Variants in SMG6 observed in about 807,000 individuals in gnomAD.
SMG6 encodes telomerase-binding protein EST1A.
In SMG6, 66 loss-of-function variants were observed where a neutral mutation model predicts 142.2. That is an observed-to-expected ratio of 0.46 (90% CI 0.38 to 0.57). The LOEUF is 0.57. SMG6 is among the 20% of genes least tolerant of loss of function. The pLI, the probability that SMG6 is intolerant of heterozygous loss-of-function variation, is 0.00. For missense variants in SMG6, 1,793 were observed against 1,832.0 expected (o/e 0.98, Z 0.39); for synonymous variants, 779 against 702.4 (o/e 1.11, Z -1.72).
At chr17:2,266,019 T>C (rs1296732275) in intron 8 of SMG6, 2 of 985,340 alleles carry the variant, frequency 2.0e-6, no homozygotes, top group Non-Finnish European at 2.4e-6. Flanking sequence ...TTCTTCTGAA[T>C]GTTCATTTTC....
rs758689917 is a variant in SMG6, at chr17:2,299,954, T to C, written c.799A>G (p.Ser267Gly). 10 of 1,614,006 alleles carry C rather than the reference T, an allele frequency of 6.2e-6. No homozygotes were observed. The South Asian group carries it at 8.8e-5, about 14-fold the overall frequency. Residue 267 changes from serine to glycine, a missense_variant, in exon 2 of 19, where the codon AGC becomes GGC. By Grantham distance (56) the Ser-to-Gly change is moderately conservative. Around this residue, in one of 3 missense-constraint regions of SMG6, gnomAD observed 1,597 missense variants for 1,584.6 expected, o/e 1.01. Transcript: ENST00000263073. The surrounding 1 kb of genome is among the most constrained non-coding windows in gnomAD (Gnocchi z 4.3). The part of the protein sequence containing the change: ...RSTSSAGSNN[S>G]AEGAGLTDNG... ...TCCGTCAGGCCAGCTCCCTCAGCGCTGTTGTTGCTGCCAGCTGAGCTGGTG... is the reference window on the plus strand; with the variant it reads ...TCCGTCAGGCCAGCTCCCTCAGCGCCGTTGTTGCTGCCAGCTGAGCTGGTG...
chr17:2,128,202 T>TACCC (rs949379885), intron 13 of SMG6, among the ~76,000 whole-genome samples: 4 of 152,204 alleles, frequency 2.6e-5, no homozygotes, highest in Non-Finnish European at 4.4e-5. Context: ...TGGGGCGGCA[T>TACCC]ACCCAAGGCA....
intron 10 of SMG6, among the ~76,000 whole-genome samples, chr17:2,189,653 C>A (rs1185245249): frequency 6.6e-6 from 1 of 152,158 alleles, no homozygotes; most frequent in African/African-American, 2.4e-5. Flanking sequence ...ATCAGCTCAC[C>A]AGTCTTGTCA....
At chr17:2,114,005 C>T (rs1328590204) in intron 13 of SMG6, among the ~76,000 whole-genome samples, 6 of 152,152 alleles carry the variant, frequency 3.9e-5, no homozygotes, top group South Asian at 2.1e-4. Flanking sequence ...CGGTGGCTCA[C>T]GCCTGTAATC....
intron 13 of SMG6, among the ~76,000 whole-genome samples, chr17:2,102,612 C>T (rs1247760242): frequency 1.4e-5 from 2 of 139,938 alleles, no homozygotes; most frequent in African/African-American, 2.7e-5. Context: ...GTCAAGTGAT[C>T]ATCCTGCCTC....
chr17:2,274,726 C>T (rs534511931), intron 8 of SMG6, among the ~76,000 whole-genome samples: 2 of 152,320 alleles, frequency 1.3e-5, no homozygotes, highest in Middle Eastern at 3.4e-3. Flanking sequence ...CTACAATCAG[C>T]ACCAAGCATG....
Position 2,172,255 on chromosome 17 carries a change from A to G in SMG6, c.3357+403T>C, listed in dbSNP as rs2071526270. ...TCACCTATTTATCACTCTCCTCCTC[A>G]GAGAAGGGAAAAAGCCCTGGCTGTT... On this transcript the variant is annotated intron_variant, in intron 13 of 18. Coordinates refer to ENST00000263073, the MANE Select transcript of SMG6 (RefSeq NM_017575.5). Among the ~76,000 whole-genome samples, 4 of 151,302 alleles carry G rather than the reference A, an allele frequency of 2.6e-5. No individual in the cohort carries two copies. The South Asian group carries it at 8.4e-4, about 32-fold the overall frequency.
At chr17:2,273,739 G>A (rs1157046765) in intron 8 of SMG6, among the ~76,000 whole-genome samples, 1 of 152,124 alleles carries the variant, frequency 6.6e-6, no homozygotes, top group Non-Finnish European at 1.5e-5. Flanking sequence ...AGAGGTTGCA[G>A]TGAGCAGAGA....
intron 1 of SMG6, 39 bp downstream of exon 1, chr17:2,303,594 C>G (rs1370542007): frequency 3.6e-6 from 5 of 1,380,042 alleles, no homozygotes; most frequent in Middle Eastern, 5.2e-4. Flanking sequence ...GGAGGCGGGG[C>G]GGGCAGGCCC....
chr17:2,142,180 A>T (rs2070501689), intron 13 of SMG6, among the ~76,000 whole-genome samples: 1 of 152,196 alleles, frequency 6.6e-6, no homozygotes, highest in Admixed American at 6.6e-5. Flanking sequence ...TTGTTTAAAA[A>T]TGTCTTTATA....
chr17:2,205,821 T>C (rs1231546197), intron 10 of SMG6, among the ~76,000 whole-genome samples: 1 of 152,168 alleles, frequency 6.6e-6, no homozygotes, highest in East Asian at 1.9e-4. Flanking sequence ...ATATTTTTTT[T>C]CTTCCCAGAC....
At chr17:2,066,696 A>AC (rs1555529730) in intron 16 of SMG6, among the ~76,000 whole-genome samples, 1 of 43,824 alleles carries the variant, frequency 2.3e-5, no homozygotes, top group Non-Finnish European at 5.5e-5. Context: ...CACACACACA[A>AC]TGCCCATGCT....
intron 10 of SMG6, among the ~76,000 whole-genome samples, chr17:2,220,785 A>G (rs1438726554): frequency 6.6e-6 from 1 of 152,262 alleles, no homozygotes; most frequent in Non-Finnish European, 1.5e-5. Flanking sequence ...TAGTAGAATC[A>G]AACATTGTAT....
At chr17:2,134,419 CAAAAAAAAA>C (rs58429166) in intron 13 of SMG6, among the ~76,000 whole-genome samples, 5 of 28,726 alleles carry the variant, frequency 1.7e-4, no homozygotes, top group African/African-American at 8.5e-4. Context: ...GACTCCATCT[CAAAAAAAAA>C]AAAAAAAAAA....
Position 2,065,734 on chromosome 17 carries a change from G to A in SMG6, c.3836-55C>T, listed in dbSNP as rs2232484. On this transcript the variant is annotated intron_variant, in intron 16 of 18. Transcript: ENST00000263073. ...GCCTCAGCAATCAGCTTTCATCCTA[G>A]GCCTCTGTCCATTCACTTTCCCAGC... 2.1e-6 allele frequency: 3 copies of A among 1,450,714 alleles called. No individual in the cohort carries two copies. The African/African-American group carries it at 4.2e-5, about 20-fold the overall frequency. The allele number at this position is 1,450,714 out of a possible 1,614,324, so 89.9% of individuals were successfully genotyped here.
chr17:2,112,690 C>T lies in SMG6; in HGVS notation c.3358-26789G>A, dbSNP rs973219248. 2.0e-5 allele frequency among the ~76,000 whole-genome samples: 3 copies of T among 149,246 alleles called. No homozygotes were observed. The South Asian group carries it at 6.4e-4, about 32-fold the overall frequency. On this transcript the variant is annotated intron_variant, in intron 13 of 18. Transcript: ENST00000263073. The stretch of plus-strand genomic sequence containing the variant: ...CAAAACTTAAAGCTAAATAAATCTG[C>T]ATACTTTAGCTATATTAAAAAGCAA...
At chr17:2,167,737 A>T (rs2071385543) in intron 13 of SMG6, among the ~76,000 whole-genome samples, 1 of 152,222 alleles carries the variant, frequency 6.6e-6, no homozygotes, top group African/African-American at 2.4e-5. Context: ...TCAAGGCAGG[A>T]CCAAACATGA....
At chr17:2,244,891 A>T in intron 8 of SMG6, 172 bp from the exon 9 acceptor site, 1 of 603,710 alleles carries the variant, frequency 1.7e-6, no homozygotes, top group Non-Finnish European at 3.0e-6. Flanking sequence ...CATGCCCAAC[A>T]GCTGCCGCTC....
intron 13 of SMG6, chr17:2,087,240 C>T: frequency 7.8e-7 from 1 of 1,288,998 alleles, no homozygotes; most frequent in Non-Finnish European, 1.0e-6. Flanking sequence ...GACGGACAGC[C>T]CAGGGAAGCT....
Sources: gnomAD v4.1 joint callset for allele counts (sites outside exome capture counted in the v4.1 genomes callset) on GRCh38, gnomAD v4.1.1 for gene constraint, gnomAD v4.1.1 regional missense constraint, Gnocchi (gnomAD v3.1) non-coding constraint, MANE v1.5 for transcripts, NCBI Gene and HGNC (gene_info 2026-07-23, HGNC 2026-07-21) for gene names.